C1orf141: variants seen among roughly 807,000 people sequenced by gnomAD.
C1orf141 encodes chromosome 1 open reading frame 141.
C1orf141 carries 19 observed loss-of-function variants against 23.2 expected under a neutral mutation model. That is an observed-to-expected ratio of 0.82 (90% CI 0.57 to 1.20). The LOEUF (loss-of-function observed/expected upper bound fraction) is 1.20. Among genes scored for constraint, C1orf141 ranks in the 50% most tolerant of loss-of-function variants. C1orf141 has a pLI of 0.00. For missense variants in C1orf141, 469 were observed against 455.1 expected (o/e 1.03, Z -0.28); for synonymous variants, 153 against 154.6 (o/e 0.99, Z 0.08).
upstream of C1orf141, among the ~76,000 whole-genome samples, chr1:67,138,630 C>G (rs1646605895): frequency 6.6e-6 from 1 of 152,148 alleles, no homozygotes; most frequent in Non-Finnish European, 1.5e-5. Context: ...CTTCTACCAT[C>G]TGAGCCCATT....
upstream of C1orf141, among the ~76,000 whole-genome samples, chr1:67,135,906 C>CAAAAAAAAAAAAAA (rs59519661): frequency 2.2e-4 from 14 of 62,618 alleles, no homozygotes; most frequent in East Asian, 8.8e-4. Context: ...GGCAAAACTG[C>CAAAAAAAAAAAAAA]AAAAAAAAAA....
chr1:67,140,564 A>G (rs1646627435), intron 1 of C1orf141, among the ~76,000 whole-genome samples: 1 of 152,164 alleles, frequency 6.6e-6, no homozygotes, highest in African/African-American at 2.4e-5. Context: ...AAAGATGCAC[A>G]TCTATGCTCT....
upstream of C1orf141, among the ~76,000 whole-genome samples, chr1:67,138,390 A>G (rs1052835495): frequency 1.3e-5 from 2 of 152,186 alleles, no homozygotes. Flanking sequence ...GTTACTTGAC[A>G]ATTCTTCTGA....
At position 67,093,199 on chromosome 1, in the gene C1orf141, T is replaced by C; in HGVS notation, c.1009A>G (p.Ile337Val). ...QFVGYLDKAV[I>V]HEMSAQTGKF... The stretch of plus-strand genomic sequence containing the variant: ...CCAGTTTGGGCACTCATTTCATGAA[T>C]AACAGCTTTATCAAGGTAACCCACA... The change falls in exon 8 of 8, where the codon ATT (isoleucine) becomes GTT (valine). Residue 337 changes from isoleucine to valine, a missense_variant. Ile to Val is a conservative substitution (Grantham distance 29). This residue lies in a region of C1orf141 where 370 missense variants were observed against 348.1 expected (regional missense o/e 1.06). Coordinates refer to ENST00000684719, the MANE Select transcript of C1orf141 (RefSeq NM_001276351.2). The C allele has an allele frequency of 1.9e-6, 3 of 1,613,842 alleles. No homozygotes were observed. Among genetic ancestry groups the C allele is most frequent in the Non-Finnish European group, 1.7e-6 (2 of 1,179,770 alleles).
At chr1:67,112,568 G>A (rs978829465) in intron 5 of C1orf141, among the ~76,000 whole-genome samples, 1 of 152,076 alleles carries the variant, frequency 6.6e-6, no homozygotes, top group Admixed American at 6.6e-5. Context: ...GCTGAGTGTG[G>A]TGGTGTGTCT....
At chr1:67,104,266 G>A (rs1008249442) in intron 5 of C1orf141, among the ~76,000 whole-genome samples, 9 of 152,232 alleles carry the variant, frequency 5.9e-5, no homozygotes, top group Non-Finnish European at 1.0e-4. Context: ...AGAAGAAAAT[G>A]CTAAGATTTA....
intron 5 of C1orf141, chr1:67,103,295 T>C (rs368489032): frequency 2.0e-6 from 3 of 1,491,628 alleles, no homozygotes; most frequent in African/African-American, 2.8e-5. Flanking sequence ...ATGTTGAACA[T>C]AGGAGAAAAG....
chr1:67,120,411 G>C (rs1464736193), intron 4 of C1orf141, among the ~76,000 whole-genome samples: 1 of 152,148 alleles, frequency 6.6e-6, no homozygotes, highest in Non-Finnish European at 1.5e-5. Context: ...GGGATGGGAT[G>C]AATGTATTTT....
At chr1:67,096,393 T>C (rs977715446) in intron 5 of C1orf141, 72 bp from the exon 6 acceptor site, 52 of 775,440 alleles carry the variant, frequency 6.7e-5, no homozygotes, top group Admixed American at 2.9e-4. Context: ...TTGCACAAAA[T>C]ATTTTACAAT....
chr1:67,134,772 C>T (rs918243082), intron 1 of C1orf141, among the ~76,000 whole-genome samples, 158 bp downstream of exon 1: 1 of 152,208 alleles, frequency 6.6e-6, no homozygotes, highest in Admixed American at 6.5e-5. Context: ...CTGACCTCAA[C>T]CACACTCTCC....
intron 4 of C1orf141, among the ~76,000 whole-genome samples, chr1:67,117,916 C>A (rs2102472814): frequency 6.6e-6 from 1 of 152,222 alleles, no homozygotes; most frequent in East Asian, 1.9e-4. Context: ...ATTGAATACT[C>A]TGAATCTCAG....
At chr1:67,124,311 T>G (rs1256837912) in intron 4 of C1orf141, among the ~76,000 whole-genome samples, 1 of 151,934 alleles carries the variant, frequency 6.6e-6, no homozygotes. Flanking sequence ...TGTCATAGTT[T>G]GTTTGTTTGT....
chr1:67,134,439 T>C (rs759659249), intron 1 of C1orf141, among the ~76,000 whole-genome samples: 7 of 152,340 alleles, frequency 4.6e-5, no homozygotes, highest in East Asian at 3.9e-4. Context: ...CGCAGCACAA[T>C]TACCGCAGGG....
At position 67,097,009 on chromosome 1, in the gene C1orf141, A is replaced by T. The variant is rs183382349; in HGVS notation, c.347-688T>A. ...ACACCTATAACCCCCTCCAAGCACA[A>T]CAGGTTACCACAGTACTATTTGGGA... On this transcript the variant is annotated intron_variant, in intron 5 of 7. Coordinates refer to ENST00000684719, the MANE Select transcript of C1orf141 (RefSeq NM_001276351.2). 1.6e-3 allele frequency among the ~76,000 whole-genome samples: 247 copies of T among 152,282 alleles called. 1 individual carries two copies. Among genetic ancestry groups the T allele is most frequent in the Non-Finnish European group, 2.4e-3 (163 of 68,024 alleles).
intron 5 of C1orf141, among the ~76,000 whole-genome samples, chr1:67,110,744 G>A (rs760772508): frequency 1.5e-4 from 22 of 151,370 alleles, no homozygotes; most frequent in Non-Finnish European, 3.0e-4. Context: ...CATAGCTTGG[G>A]GGACTTTTAT....
upstream of C1orf141, among the ~76,000 whole-genome samples, chr1:67,138,536 T>C (rs12060309): frequency 0.28 from 43,079 of 152,026 alleles, 6,590 homozygotes; most frequent in Admixed American, 0.44. Context: ...TTTGTGTGTG[T>C]GTTTTTTTTC....
intron 5 of C1orf141, among the ~76,000 whole-genome samples, chr1:67,114,299 A>G (rs559357087): frequency 6.6e-6 from 1 of 152,316 alleles, no homozygotes; most frequent in South Asian, 2.1e-4. Context: ...TAAAAAAAAA[A>G]AAAATCTTTT....
intron 5 of C1orf141, among the ~76,000 whole-genome samples, chr1:67,108,307 C>T (rs768026069): frequency 6.6e-6 from 1 of 152,132 alleles, no homozygotes; most frequent in Non-Finnish European, 1.5e-5. Flanking sequence ...GCTGTGTCCT[C>T]ACATGGGAGA....
rs10688535 is a variant in C1orf141, at chr1:67,101,449, AGTGT to A, written c.347-5132_347-5129del. ...TCCATTTCTTTATGTTGAATGTAAG[AGTGT>A]GTGTGTGTGTGTGTGTGTGTGTGTG... On this transcript the variant is annotated intron_variant, in intron 5 of 7. Coordinates refer to ENST00000684719, the MANE Select transcript of C1orf141 (RefSeq NM_001276351.2). Among the ~76,000 whole-genome samples, 858 of 135,368 alleles carry A rather than the reference AGTGT, an allele frequency of 6.3e-3. 7 individuals are homozygous for A. Among genetic ancestry groups the A allele is most frequent in the South Asian group, 0.014 (55 of 3,896 alleles). The allele number at this position is 135,368 out of a possible 152,430, so 88.8% of individuals were successfully genotyped here. A position where few individuals can be genotyped will look rare whatever the true frequency, so the allele number is the denominator to read the frequency against.
Sources: allele counts gnomAD v4.1 joint callset (sites outside exome capture counted in the v4.1 genomes callset), GRCh38; gene constraint gnomAD v4.1.1; regional missense constraint gnomAD v4.1.1; transcripts MANE v1.5; gene names NCBI Gene and HGNC (gene_info 2026-07-23, HGNC 2026-07-21).